HYCC1: variants seen among roughly 807,000 people sequenced by gnomAD.
HYCC1 encodes hyccin.
At chr7:22,985,876 A>C in the HYCC1 span, 1 of 149,652 alleles carries the variant, frequency 6.7e-6, no homozygotes. Flanking sequence ...TTGATGTCTA[A>C]CATATGTAAC....
chr7:22,918,114 A>G, the HYCC1 span, among the ~76,000 whole-genome samples: 14 of 152,332 alleles, frequency 9.2e-5, no homozygotes, highest in African/African-American at 3.4e-4. Flanking sequence ...ATATGACAAT[A>G]TAAAAAAACT....
the HYCC1 span, among the ~76,000 whole-genome samples, chr7:22,906,715 A>C: frequency 6.6e-6 from 1 of 152,200 alleles, no homozygotes; most frequent in Non-Finnish European, 1.5e-5. Flanking sequence ...AATTTTAAAT[A>C]TATAAGGTTA....
At chr7:22,964,362 T>C in the HYCC1 span, 7 of 1,010,020 alleles carry the variant, frequency 6.9e-6, no homozygotes, top group Non-Finnish European at 1.1e-5. Context: ...ATGAACAGAC[T>C]ATAATTTTCC....
At chr7:22,984,696 T>A in the HYCC1 span, among the ~76,000 whole-genome samples, 19 of 152,184 alleles carry the variant, frequency 1.2e-4, no homozygotes, top group Non-Finnish European at 5.9e-5. Context: ...CACTCCAGCC[T>A]GGGTAACAGA....
At chr7:22,945,420 C>T in the HYCC1 span, 1 of 618,482 alleles carries the variant, frequency 1.6e-6, no homozygotes, top group Middle Eastern at 4.3e-4. Flanking sequence ...CATATTTCAA[C>T]TTACTGCAAC....
chr7:22,929,637 A>T, the HYCC1 span, among the ~76,000 whole-genome samples: 3 of 152,248 alleles, frequency 2.0e-5, no homozygotes, highest in Non-Finnish European at 4.4e-5. Flanking sequence ...TCAAAACCAC[A>T]ATGAGATACC....
At chr7:22,912,984 T>G in the HYCC1 span, among the ~76,000 whole-genome samples, 1 of 151,766 alleles carries the variant, frequency 6.6e-6, no homozygotes, top group African/African-American at 2.4e-5. Context: ...ATTAGCTGGG[T>G]GTGGTGGTGG....
At chr7:23,005,239 A>C in the HYCC1 span, among the ~76,000 whole-genome samples, 7 of 152,250 alleles carry the variant, frequency 4.6e-5, no homozygotes, top group South Asian at 8.3e-4. Context: ...GAGTCCAAAA[A>C]ACCCGGGCCA....
the HYCC1 span, chr7:22,961,096 A>G: frequency 2.9e-5 from 17 of 589,898 alleles, no homozygotes; most frequent in African/African-American, 2.9e-4. Context: ...TCTAAGTTAT[A>G]AAACTTCCAT....
At chr7:22,951,273 T>A in the HYCC1 span, among the ~76,000 whole-genome samples, 1 of 151,928 alleles carries the variant, frequency 6.6e-6, no homozygotes, top group East Asian at 1.9e-4. Flanking sequence ...GTTTTATGGC[T>A]GCCATATTTA....
At chr7:22,919,254 C>T in the HYCC1 span, among the ~76,000 whole-genome samples, 20 of 152,322 alleles carry the variant, frequency 1.3e-4, no homozygotes, top group African/African-American at 2.6e-4. Context: ...TGAGGCCAGG[C>T]GCCGTGGCTC....
At chr7:22,962,735 C>T in the HYCC1 span, among the ~76,000 whole-genome samples, 21,235 of 150,746 alleles carry the variant, frequency 0.14, 1,555 homozygotes, top group South Asian at 0.18. Flanking sequence ...ACAGAGAACA[C>T]TACCTCCCCC....
At chr7:22,954,248 T>C in the HYCC1 span, among the ~76,000 whole-genome samples, 2 of 151,006 alleles carry the variant, frequency 1.3e-5, no homozygotes, top group Non-Finnish European at 3.0e-5. Flanking sequence ...TTATTTATAA[T>C]ATTTACTAAA....
the HYCC1 span, among the ~76,000 whole-genome samples, chr7:23,013,705 GC>G: frequency 2.0e-5 from 3 of 151,682 alleles, no homozygotes; most frequent in African/African-American, 7.2e-5. Context: ...GCCGGCCGCA[GC>G]CCACCCGCCC....
the HYCC1 span, chr7:22,934,231 T>C: frequency 8.1e-6 from 1 of 123,700 alleles, no homozygotes; most frequent in Non-Finnish European, 1.7e-5. Flanking sequence ...TTTTTTTTTT[T>C]TTTCCCTCTC....
chr7:22,934,222 T>TC, the HYCC1 span: 1 of 110,576 alleles, frequency 9.0e-6, no homozygotes, highest in Non-Finnish European at 2.1e-5. Context: ...TTTTTTTTTT[T>TC]TTTTTTTTTT....
the HYCC1 span, among the ~76,000 whole-genome samples, chr7:22,972,313 C>T: frequency 6.6e-6 from 1 of 152,080 alleles, no homozygotes; most frequent in Admixed American, 6.6e-5. Context: ...GAAAAATTGA[C>T]CTAGAAGTGA....
the HYCC1 span, among the ~76,000 whole-genome samples, chr7:23,010,367 TAAAC>T: frequency 1.3e-5 from 2 of 152,180 alleles, no homozygotes; most frequent in Non-Finnish European, 2.9e-5. Context: ...CTTATGCATG[TAAAC>T]AAACAAACAT....
the HYCC1 span, among the ~76,000 whole-genome samples, chr7:22,969,058 G>A: frequency 6.6e-6 from 1 of 152,236 alleles, no homozygotes; most frequent in Non-Finnish European, 1.5e-5. Flanking sequence ...CCACATGGAA[G>A]AAGCCTATCT....
Sources: allele counts gnomAD v4.1 joint callset (sites outside exome capture counted in the v4.1 genomes callset), GRCh38; gene constraint gnomAD v4.1.1; transcripts MANE v1.5; gene names NCBI Gene and HGNC (gene_info 2026-07-23, HGNC 2026-07-21).